SCAPER: variants seen among roughly 807,000 people sequenced by gnomAD.
The protein encoded by SCAPER is S phase cyclin A-associated protein in the endoplasmic reticulum.
SCAPER carries 98 observed loss-of-function variants against 182.2 expected under a neutral mutation model. The ratio of observed to expected loss-of-function variants is 0.54; its 90% CI spans 0.46 to 0.64. The LOEUF is 0.64. Among genes scored for constraint, SCAPER ranks in the 30% least tolerant of loss-of-function variants. The pLI is 0.00. For missense variants in SCAPER, 1,432 were observed against 1,690.0 expected (o/e 0.85, Z 2.68); for synonymous variants, 605 against 564.6 (o/e 1.07, Z -1.01).
At chr15:76,606,115 G>C (rs1597636436) in intron 22 of SCAPER, among the ~76,000 whole-genome samples, 1 of 151,910 alleles carries the variant, frequency 6.6e-6, no homozygotes, top group African/African-American at 2.4e-5. Context: ...GTGATGTTAG[G>C]GTGTCAATTT....
At chr15:76,735,697 CAA>C (rs34341849) in intron 15 of SCAPER, among the ~76,000 whole-genome samples, 21 of 106,652 alleles carry the variant, frequency 2.0e-4, no homozygotes, top group East Asian at 3.1e-4. Flanking sequence ...GACTCCGTCT[CAA>C]AAAAAAAAAA....
At chr15:76,392,745 G>A (rs2043791389) in intron 27 of SCAPER, among the ~76,000 whole-genome samples, 1 of 152,172 alleles carries the variant, frequency 6.6e-6, no homozygotes, top group Admixed American at 6.5e-5. Context: ...AACTGAGAAA[G>A]CTGAAACTGA....
Position 76,841,736 on chromosome 15 carries a change from T to G in SCAPER, c.391A>C (p.Lys131Gln). 1 of 1,613,710 alleles carries G rather than the reference T, an allele frequency of 6.2e-7. No individual in the cohort carries two copies. Among genetic ancestry groups the G allele is most frequent in the Non-Finnish European group, 8.5e-7 (1 of 1,179,766 alleles). The change falls in exon 5 of 32, where the codon AAG (lysine) becomes CAG (glutamine). Residue 131 changes from lysine to glutamine, a missense_variant and splice_region_variant. This residue lies in a region of SCAPER where 480 missense variants were observed against 510.2 expected (regional missense o/e 0.94). Transcript: ENST00000563290. ...CESDQSVVEC[K>Q]EVLMMLDNYV... is the part of the protein sequence containing the mutation. The stretch of plus-strand genomic sequence containing the variant: ...CAAGGCCTCAAAGCAAACCTTACCT[T>G]ACATTCGACCACACTCTGATCTGAT...
At chr15:76,851,538 T>C (rs190003657) in intron 4 of SCAPER, among the ~76,000 whole-genome samples, 109 of 152,296 alleles carry the variant, frequency 7.2e-4, no homozygotes, top group Non-Finnish European at 3.4e-4. Flanking sequence ...ATATCCAACA[T>C]TCTTAGAGAA....
intron 3 of SCAPER, 113 bp downstream of exon 3, chr15:76,862,303 A>G: frequency 1.8e-6 from 1 of 569,718 alleles, no homozygotes; most frequent in East Asian, 3.1e-5. Context: ...CTTATTTAAC[A>G]TACTAATCAG....
intron 1 of SCAPER, among the ~76,000 whole-genome samples, chr15:76,903,840 A>G (rs2074929630): frequency 6.6e-6 from 1 of 152,200 alleles, no homozygotes; most frequent in Non-Finnish European, 1.5e-5. Flanking sequence ...TACTATCAAC[A>G]AAATTATGAG....
At position 76,733,004 on chromosome 15, in the gene SCAPER, A is replaced by G. The variant is rs189901947; in HGVS notation, c.2022+225T>C. 4.6e-5 allele frequency among the ~76,000 whole-genome samples: 7 copies of G among 152,210 alleles called. 1 individual carries two copies. The highest frequency in any genetic ancestry group is 3.3e-4 in the Admixed American group (5 of 15,296). On this transcript the variant is annotated intron_variant, in intron 16 of 31. Coordinates refer to ENST00000563290, the MANE Select transcript of SCAPER (RefSeq NM_020843.4). ...TACCCTGCCCGTTTGTCTTGTATCC[A>G]ATAAATATCAGCACAGCCTGGCATT...
At chr15:76,698,252 G>A (rs1038139829) in intron 20 of SCAPER, among the ~76,000 whole-genome samples, 3 of 151,658 alleles carry the variant, frequency 2.0e-5, no homozygotes, top group African/African-American at 7.3e-5. Context: ...GAAATTGAGA[G>A]TTCTACTCCC....
intron 16 of SCAPER, among the ~76,000 whole-genome samples, chr15:76,731,089 G>A (rs1252157214): frequency 6.6e-6 from 1 of 152,164 alleles, no homozygotes; most frequent in East Asian, 1.9e-4. Flanking sequence ...ACCCTGCAAA[G>A]GGTAGGGATT....
chr15:76,460,269 T>C (rs191232439), intron 25 of SCAPER, among the ~76,000 whole-genome samples: 2 of 152,280 alleles, frequency 1.3e-5, no homozygotes, highest in East Asian at 1.9e-4. Context: ...TCCTTGTAGA[T>C]GTCTTTCACC....
At chr15:76,648,435 G>A (rs1035704321) in intron 21 of SCAPER, among the ~76,000 whole-genome samples, 3 of 152,082 alleles carry the variant, frequency 2.0e-5, no homozygotes, top group Admixed American at 6.5e-5. Context: ...GAAAATAGAA[G>A]AAAAATAGAC....
intron 1 of SCAPER, among the ~76,000 whole-genome samples, chr15:76,899,416 G>A (rs983970829): frequency 4.6e-5 from 7 of 152,154 alleles, no homozygotes; most frequent in South Asian, 4.1e-4. Context: ...TGCCCGCCTC[G>A]GCCTCCCGAG....
chr15:76,788,078 A>G (rs1352882962), intron 8 of SCAPER, among the ~76,000 whole-genome samples: 1 of 152,200 alleles, frequency 6.6e-6, no homozygotes, highest in African/African-American at 2.4e-5. Context: ...TAAGCCCATC[A>G]TGTTCAACAT....
At chr15:76,382,298 GT>G (rs1235860338) in intron 27 of SCAPER, among the ~76,000 whole-genome samples, 1 of 151,932 alleles carries the variant, frequency 6.6e-6, no homozygotes, top group Non-Finnish European at 1.5e-5. Context: ...AAAATCAATA[GT>G]AAAGCAGCAG....
At chr15:76,674,751 T>A (rs2057262289) in intron 20 of SCAPER, among the ~76,000 whole-genome samples, 1 of 152,202 alleles carries the variant, frequency 6.6e-6, no homozygotes, top group African/African-American at 2.4e-5. Flanking sequence ...GTTCTTAAAA[T>A]CACTGTATTT....
intron 23 of SCAPER, among the ~76,000 whole-genome samples, chr15:76,543,006 A>C (rs914902494): frequency 1.3e-5 from 2 of 152,180 alleles, no homozygotes; most frequent in Admixed American, 6.5e-5. Flanking sequence ...CCCCAAACTC[A>C]GTACATTTTT....
chr15:76,370,310 T>TTTTTTTTTTTTTG (rs1567007744), intron 29 of SCAPER, among the ~76,000 whole-genome samples: 2 of 137,274 alleles, frequency 1.5e-5, no homozygotes, highest in African/African-American at 5.5e-5. Context: ...TTTTTTTTTT[T>TTTTTTTTTTTTTG]TTTTTTGTTT....
intron 26 of SCAPER, among the ~76,000 whole-genome samples, chr15:76,425,451 CG>C (rs2046355686): frequency 6.6e-6 from 1 of 152,168 alleles, no homozygotes; most frequent in African/African-American, 2.4e-5. Context: ...TCTCGTGCCA[CG>C]GTTTTCAGCT....
intron 24 of SCAPER, among the ~76,000 whole-genome samples, chr15:76,486,466 C>T (rs750438739): frequency 6.6e-6 from 1 of 151,736 alleles, no homozygotes; most frequent in Non-Finnish European, 1.5e-5. Flanking sequence ...ACTATGTAAC[C>T]GAAAAGGTCT....
Sources: gnomAD v4.1 joint callset for allele counts (sites outside exome capture counted in the v4.1 genomes callset) on GRCh38, gnomAD v4.1.1 for gene constraint, gnomAD v4.1.1 regional missense constraint, MANE v1.5 for transcripts, NCBI Gene and HGNC (gene_info 2026-07-23, HGNC 2026-07-21) for gene names.